Variants in ZPLD1 observed in about 807,000 individuals in gnomAD.
ZPLD1 encodes the protein zona pellucida like domain containing 1.
In ZPLD1, 34 loss-of-function variants were observed where a neutral mutation model predicts 47.2. That is an observed-to-expected ratio of 0.72 (90% confidence interval 0.55 to 0.96). The LOEUF (loss-of-function observed/expected upper bound fraction) is 0.96, where lower values mean the gene tolerates loss of function less well. ZPLD1 is among the 40% of genes least tolerant of loss of function. The probability of loss-of-function intolerance (pLI) is 0.00; values close to 1 mark genes in which losing one functional copy is unlikely to be tolerated. For synonymous variants in ZPLD1, 176 were observed against 186.2 expected (o/e 0.95, Z 0.45); for missense variants, 512 against 505.8 (o/e 1.01, Z -0.12).
chr3:102,476,724 A>G (rs1303754582), intron 10 of ZPLD1, among the ~76,000 whole-genome samples: 1 of 152,134 alleles, frequency 6.6e-6, no homozygotes, highest in Admixed American at 6.6e-5. Context: ...GCAAGAAAAC[A>G]GCACACTGTA....
chr3:102,437,360 G>A (rs1707106126), intron 2 of ZPLD1, among the ~76,000 whole-genome samples: 1 of 152,072 alleles, frequency 6.6e-6, no homozygotes, highest in African/African-American at 2.4e-5. Context: ...CTGTAAACTT[G>A]TTATTCTGAA....
At chr3:102,429,046 A>G (rs1706984663) in intron 8 of ZPLD1, among the ~76,000 whole-genome samples, 1 of 152,120 alleles carries the variant, frequency 6.6e-6, no homozygotes, top group Non-Finnish European at 1.5e-5. Context: ...GAAATTACTT[A>G]TTAGTCAAAG....
At chr3:102,428,154 C>T (rs980512720) in intron 8 of ZPLD1, among the ~76,000 whole-genome samples, 7 of 152,118 alleles carry the variant, frequency 4.6e-5, no homozygotes, top group African/African-American at 1.7e-4. Flanking sequence ...TTGTTTCGGT[C>T]AATGACTTTA....
chr3:102,463,975 A>C (rs1224371287), intron 7 of ZPLD1, among the ~76,000 whole-genome samples, 196 bp from the exon 8 acceptor site: 1 of 151,858 alleles, frequency 6.6e-6, no homozygotes, highest in South Asian at 2.1e-4. Context: ...TCGTGAACCC[A>C]GGAGGCGGAG....
At chr3:102,427,192 G>C (rs1706958817) in intron 8 of ZPLD1, among the ~76,000 whole-genome samples, 1 of 152,108 alleles carries the variant, frequency 6.6e-6, no homozygotes, top group South Asian at 2.1e-4. Context: ...AAAGGCCATT[G>C]AGAAACAAAA....
chr3:102,420,381 G>T (rs1706862395), intron 8 of ZPLD1, among the ~76,000 whole-genome samples: 2 of 151,828 alleles, frequency 1.3e-5, no homozygotes. Context: ...TATTCTAATT[G>T]TTTATAGCAG....
At chr3:102,477,121 G>A in intron 11 of ZPLD1, 80 bp downstream of exon 11, 1 of 1,506,140 alleles carries the variant, frequency 6.6e-7, no homozygotes, top group South Asian at 1.1e-5. Flanking sequence ...TAAGTGTAAT[G>A]AGCTTGAGTT....
rs965048214 is a variant in ZPLD1, at chr3:102,477,817, C to T, written c.*199C>T. 43 of 423,108 alleles carry T rather than the reference C, an allele frequency of 1.0e-4. No individual in the cohort carries two copies. Among genetic ancestry groups the T allele is most frequent in the Non-Finnish European group, 1.5e-4 (38 of 249,790 alleles). 26.2% of individuals were successfully genotyped at this position (423,108 alleles called of 1,614,324 possible). Reference sequence around the variant, plus strand: ...ATTGTCACTTATGTACGTGGCGAGCCGTATTTTTATGCCACCAGTGAATAT... The same window carrying T: ...ATTGTCACTTATGTACGTGGCGAGCTGTATTTTTATGCCACCAGTGAATAT... On this transcript the variant is annotated 3_prime_UTR_variant, in exon 12 of 12. Coordinates refer to ENST00000466937, the MANE Select transcript of ZPLD1 (RefSeq NM_001329788.2).
In ZPLD1 at chr3:102,462,621, G is replaced by T. The variant is rs75155500; in HGVS notation, c.680+243G>T. 1.4e-4 allele frequency among the ~76,000 whole-genome samples: 22 copies of T among 151,984 alleles called. No homozygotes were observed. The East Asian group carries it at 4.2e-3, about 29-fold the overall frequency. On this transcript the variant is annotated intron_variant, in intron 7 of 11. Transcript: ENST00000466937. The stretch of plus-strand genomic sequence containing the variant: ...AAGAAGGGGGGTGGTTCTTGGAACG[G>T]GGCATGGGAAGATCTGGGATGCCGA...
At chr3:102,464,475 T>C (rs1018144557) in intron 8 of ZPLD1, among the ~76,000 whole-genome samples, 3 of 152,196 alleles carry the variant, frequency 2.0e-5, no homozygotes, top group African/African-American at 7.2e-5. Flanking sequence ...GAGTTCTAAG[T>C]AAGTTATGTC....
At chr3:102,472,829 T>TTTTTTGCCTATGCAAAA (rs1707705414) in intron 10 of ZPLD1, among the ~76,000 whole-genome samples, 2 of 152,238 alleles carry the variant, frequency 1.3e-5, no homozygotes, top group African/African-American at 4.8e-5. Flanking sequence ...TATGCAAAAC[T>TTTTTTGCCTATGCAAAA]AAGTATTACA....
intron 3 of ZPLD1, among the ~76,000 whole-genome samples, chr3:102,445,020 G>A (rs1707236246): frequency 6.6e-6 from 1 of 152,098 alleles, no homozygotes; most frequent in African/African-American, 2.4e-5. Context: ...CTTTGCTCTG[G>A]ACTCCTTGAC....
chr3:102,477,023 A>G lies in ZPLD1; in HGVS notation c.1054A>G (p.Thr352Ala). Residue 352 changes from threonine (T) to alanine (A), a missense_variant, in exon 11 of 12, where the codon ACC becomes GCC. Coordinates refer to ENST00000466937, the MANE Select transcript of ZPLD1 (RefSeq NM_001329788.2). ...PIITRSDETP[T>A]NNSQLGSPSM... Reference sequence around the variant, plus strand: ...TTTTTTCCCCTCAGATGAGACTCCAACCAACAATTCGCAACTTGGTAAGAT... The same window carrying G: ...TTTTTTCCCCTCAGATGAGACTCCAGCCAACAATTCGCAACTTGGTAAGAT... 2.5e-6 allele frequency: 4 copies of G among 1,613,648 alleles called. No homozygotes were observed. The highest frequency in any genetic ancestry group is 3.4e-6 in the Non-Finnish European group (4 of 1,179,670).
chr3:102,470,875 T>C (rs1576168127), intron 10 of ZPLD1, among the ~76,000 whole-genome samples: 1 of 151,714 alleles, frequency 6.6e-6, no homozygotes, highest in African/African-American at 2.4e-5. Flanking sequence ...GCCTCCCGGG[T>C]TCAAGAGATT....
intron 6 of ZPLD1, among the ~76,000 whole-genome samples, chr3:102,460,098 A>G (rs1707483241): frequency 1.3e-5 from 2 of 152,092 alleles, no homozygotes; most frequent in South Asian, 2.1e-4. Flanking sequence ...TTGATCCAAA[A>G]TCATACTTAT....
intron 2 of ZPLD1, 102 bp downstream of exon 2, chr3:102,437,075 T>C (rs1365254782): frequency 2.2e-6 from 1 of 447,960 alleles, no homozygotes; most frequent in Non-Finnish European, 3.0e-6. Context: ...TTGAAGTATC[T>C]TGAGGAGCTA....
rs1707798007 is a variant in ZPLD1, at chr3:102,478,807, T to C, written c.*1189T>C. On this transcript the variant is annotated 3_prime_UTR_variant, in exon 12 of 12. Coordinates refer to ENST00000466937, the MANE Select transcript of ZPLD1 (RefSeq NM_001329788.2). ...AAATCAACATTCTCTTTGTTTAAGCTACCTATGCACTGAACAAACAAAACA... is the reference window on the plus strand; with the variant it reads ...AAATCAACATTCTCTTTGTTTAAGCCACCTATGCACTGAACAAACAAAACA... The C allele has an allele frequency of 6.6e-6, 1 of 152,204 alleles. No individual in the cohort carries two copies. Among genetic ancestry groups the C allele is most frequent in the African/African-American group, 2.4e-5 (1 of 41,456 alleles). 9.4% of individuals were successfully genotyped at this position (152,204 alleles called of 1,614,324 possible).
rs748847680 is a variant in ZPLD1, at chr3:102,452,966, A to G, written c.154A>G (p.Lys52Glu). 6.2e-7 allele frequency: 1 copy of G among 1,614,084 alleles called. No individual in the cohort carries two copies. Among genetic ancestry groups the G allele is most frequent in the Non-Finnish European group, 8.5e-7 (1 of 1,179,936 alleles). The change falls in exon 4 of 12, where the codon AAG becomes GAG. Residue 52 changes from lysine (K) to glutamate (E), a missense_variant. By Grantham distance (56) the Lys-to-Glu change is moderately conservative (BLOSUM62 1). Transcript: ENST00000466937. ...VYCGVQAITM[K>E]INFCTVLFSG... The stretch of plus-strand genomic sequence containing the variant: ...TTGTGGAGTGCAGGCTATTACGATG[A>G]AGATTAATTTTTGCACGGTACTTTT...
Position 102,427,345 on chromosome 3 carries a change from A to T in ZPLD1, c.-9+9138A>T, listed in dbSNP as rs114241108. Among the ~76,000 whole-genome samples, 948 of 152,328 alleles carry T rather than the reference A, an allele frequency of 6.2e-3. 9 individuals carry two copies. The highest frequency in any genetic ancestry group is 0.022 in the African/African-American group (894 of 41,580). Reference sequence around the variant, plus strand: ...GAAGGGCTAATGTTTTTCTTTAGCAACATGGAGATTAGGCTGTAAGATCTC... The same window carrying T: ...GAAGGGCTAATGTTTTTCTTTAGCATCATGGAGATTAGGCTGTAAGATCTC... On this transcript the variant is annotated intron_variant, in intron 8 of 17. Transcript: ENST00000491959.
Sources: gnomAD v4.1 joint callset for allele counts (sites outside exome capture counted in the v4.1 genomes callset) on GRCh38, gnomAD v4.1.1 for gene constraint, MANE v1.5 for transcripts, NCBI Gene and HGNC (gene_info 2026-07-23, HGNC 2026-07-21) for gene names.